Variants in PARD3 observed in about 807,000 individuals in gnomAD.
PARD3 encodes par-3 family cell polarity regulator, also known as partitioning defective 3 homolog.
Under a neutral mutation model 155.4 loss-of-function variants are expected in PARD3, and 75 were observed. The ratio of observed to expected loss-of-function variants is 0.48; its 90% CI spans 0.40 to 0.58. The LOEUF (loss-of-function observed/expected upper bound fraction) is 0.58, where lower values mean the gene tolerates loss of function less well. Among genes scored for constraint, PARD3 ranks in the 20% least tolerant of loss-of-function variants. The pLI, the probability that PARD3 is intolerant of heterozygous loss-of-function variation, is 0.00. For missense variants in PARD3, 1,642 were observed against 1,721.7 expected, an observed-to-expected ratio of 0.95 and a Z score of 0.82; for synonymous variants, 576 against 610.5, an observed-to-expected ratio of 0.94 and a Z score of 0.83.
chr10:34,796,776 G>C (rs1393150525), intron 1 of PARD3, among the ~76,000 whole-genome samples: 3 of 152,214 alleles, frequency 2.0e-5, no homozygotes, highest in Non-Finnish European at 4.4e-5. Flanking sequence ...CCTGAGGTTA[G>C]GAGTTCAAGG....
At chr10:34,764,782 C>T (rs1245162997) in intron 1 of PARD3, among the ~76,000 whole-genome samples, 2 of 152,270 alleles carry the variant, frequency 1.3e-5, no homozygotes, top group East Asian at 3.9e-4. Flanking sequence ...GTTTCCCTCA[C>T]AAGTTGGCTC....
At chr10:34,533,014 C>T (rs2082964093) in intron 2 of PARD3, among the ~76,000 whole-genome samples, 1 of 152,160 alleles carries the variant, frequency 6.6e-6, no homozygotes. Flanking sequence ...CAAGATGTCA[C>T]TGTACTGAAT....
rs1836318682 is a variant in PARD3, at chr10:34,337,505, TGC to T, written c.2409-81_2409-80del. 4 of 787,970 alleles carry T rather than the reference TGC, an allele frequency of 5.1e-6. No homozygotes were observed. The East Asian group carries it at 1.2e-4, about 24-fold the overall frequency. The allele number at this position is 787,970 out of a possible 1,614,324, so 48.8% of individuals were successfully genotyped here. ...CATTTTAGGGAGGTTCATACATACCTGCAAGTGTAAATATACATATGTATATT... is the reference window on the plus strand; with the variant it reads ...CATTTTAGGGAGGTTCATACATACCTAAGTGTAAATATACATATGTATATT... On this transcript the variant is annotated intron_variant, in intron 16 of 24. Coordinates refer to ENST00000374788, the MANE Select transcript of PARD3 (RefSeq NM_001184785.2).
intron 2 of PARD3, among the ~76,000 whole-genome samples, chr10:34,558,965 AAG>A (rs1167251867): frequency 2.6e-3 from 402 of 152,272 alleles, no homozygotes; most frequent in African/African-American, 8.9e-3. Flanking sequence ...GTAAGTAAGT[AAG>A]TAAATAAATA....
chr10:34,634,520 A>C (rs535390605), intron 2 of PARD3, among the ~76,000 whole-genome samples: 19 of 152,332 alleles, frequency 1.2e-4, no homozygotes, highest in Middle Eastern at 3.4e-3. Flanking sequence ...TGCTGTTATA[A>C]CTAAACAAGA....
intron 22 of PARD3, among the ~76,000 whole-genome samples, chr10:34,203,697 G>C (rs943676941): frequency 2.0e-5 from 3 of 152,084 alleles, no homozygotes; most frequent in Non-Finnish European, 4.4e-5. Flanking sequence ...TTTTTCCCCG[G>C]GTATTTATGA....
chr10:34,331,193 A>G lies in PARD3; in HGVS notation c.2757T>C (p.Asn919=). Residue 919 remains asparagine (N), a synonymous_variant, in exon 19 of 25, where the codon AAT becomes AAC. Coordinates refer to ENST00000374788, the MANE Select transcript of PARD3 (RefSeq NM_001184785.2). ...RPRIIRGRGC[N]ESFRAAIDKS... ...TGTCGATGGCAGCTCTGAAGCTCTC[A>G]TTGCATCCCCTGCCTCTGATTATCC... is the stretch of plus-strand genomic sequence containing the variant. The G allele has an allele frequency of 4.3e-6, 7 of 1,614,038 alleles. No homozygotes were observed. Among genetic ancestry groups the G allele is most frequent in the South Asian group, 1.1e-5 (1 of 91,076 alleles).
At chr10:34,186,351 C>A (rs1224078613) in intron 22 of PARD3, among the ~76,000 whole-genome samples, 1 of 131,836 alleles carries the variant, frequency 7.6e-6, no homozygotes, top group Admixed American at 7.6e-5. Flanking sequence ...CAGAATGAGA[C>A]CCTCTTAAAA....
At chr10:34,807,488 G>A (rs12220026) in intron 1 of PARD3, among the ~76,000 whole-genome samples, 53,693 of 151,902 alleles carry the variant, frequency 0.35, 10,626 homozygotes, top group African/African-American at 0.55. Context: ...CATCCCAAAA[G>A]GAAACCTCAT....
chr10:34,189,640 A>G (rs551261380), intron 22 of PARD3, among the ~76,000 whole-genome samples: 7 of 152,226 alleles, frequency 4.6e-5, no homozygotes, highest in Non-Finnish European at 8.8e-5. Context: ...AGGCAAGTAC[A>G]TGTTTCCATG....
At chr10:34,413,574 TTCTTTATC>T (rs1845346912) in intron 5 of PARD3, among the ~76,000 whole-genome samples, 1 of 152,186 alleles carries the variant, frequency 6.6e-6, no homozygotes, top group South Asian at 2.1e-4. Context: ...ATCCAGATTC[TTCTTTATC>T]TCTAAGGGTC....
rs147656397 is a variant in PARD3, at chr10:34,323,349, A to G, written c.2834-6011T>C. Among the ~76,000 whole-genome samples the G allele has an allele frequency of 1.7e-3, 253 of 152,284 alleles. 1 individual carries two copies. Among genetic ancestry groups the G allele is most frequent in the African/African-American group, 5.5e-3 (229 of 41,562 alleles). On this transcript the variant is annotated intron_variant, in intron 19 of 24. Coordinates refer to ENST00000374788, the MANE Select transcript of PARD3 (RefSeq NM_001184785.2). ...CTGAAAACCAAAAAAAGGAAACCAC[A>G]CACACACAAAGCTGGCATGAAACAG...
At chr10:34,412,744 G>A (rs1474846933) in intron 5 of PARD3, among the ~76,000 whole-genome samples, 1 of 151,918 alleles carries the variant, frequency 6.6e-6, no homozygotes, top group Non-Finnish European at 1.5e-5. Context: ...AATTAAATCC[G>A]GGATTCATGA....
At chr10:34,741,726 C>T (rs2095022453) in intron 1 of PARD3, among the ~76,000 whole-genome samples, 1 of 152,130 alleles carries the variant, frequency 6.6e-6, no homozygotes, top group African/African-American at 2.4e-5. Flanking sequence ...TCCTGGGATC[C>T]TATTGTCCCT....
intron 11 of PARD3, 149 bp from the exon 12 acceptor site, chr10:34,372,685 GCT>G: frequency 1.6e-6 from 1 of 619,374 alleles, no homozygotes; most frequent in Non-Finnish European, 2.9e-6. Flanking sequence ...CTGACATAAT[GCT>G]CTGTCTTCCA....
chr10:34,769,808 A>AC (rs201532121), intron 1 of PARD3, among the ~76,000 whole-genome samples: 17 of 150,912 alleles, frequency 1.1e-4, no homozygotes, highest in South Asian at 2.1e-4. Flanking sequence ...ACAAAACAAA[A>AC]AAAAAAACAA....
At chr10:34,270,253 G>A (rs1955550710) in intron 21 of PARD3, among the ~76,000 whole-genome samples, 1 of 148,506 alleles carries the variant, frequency 6.7e-6, no homozygotes, top group African/African-American at 2.5e-5. Flanking sequence ...AGTGATTCTT[G>A]TGCCCTAGCC....
intron 22 of PARD3, among the ~76,000 whole-genome samples, chr10:34,242,312 G>A (rs1463663705): frequency 6.6e-6 from 1 of 152,084 alleles, no homozygotes; most frequent in Non-Finnish European, 1.5e-5. Flanking sequence ...TGATAATCAG[G>A]TGACCTTGTC....
intron 16 of PARD3, among the ~76,000 whole-genome samples, chr10:34,339,515 C>G (rs1836568267): frequency 2.0e-5 from 3 of 152,312 alleles, no homozygotes; most frequent in Admixed American, 2.0e-4. Context: ...CGCCTGAAAA[C>G]CACATATTGG....
Sources: gnomAD v4.1 joint callset for allele counts (sites outside exome capture counted in the v4.1 genomes callset) on GRCh38, gnomAD v4.1.1 for gene constraint, MANE v1.5 for transcripts, NCBI Gene and HGNC (gene_info 2026-07-23, HGNC 2026-07-21) for gene names.